Variants in PURG observed in about 807,000 individuals in gnomAD.
The protein encoded by PURG is purine rich element binding protein G.
In PURG, 3 loss-of-function variants were observed where a neutral mutation model predicts 24.3. The observed-to-expected ratio is 0.12, with a 90% confidence interval of 0.06 to 0.32. The LOEUF is 0.32. PURG is among the 10% of genes least tolerant of loss of function. The probability of loss-of-function intolerance (pLI) is 1.00; values close to 1 mark genes in which losing one functional copy is unlikely to be tolerated. For missense variants in PURG, 371 were observed against 439.1 expected (o/e 0.84, Z 1.39); for synonymous variants, 180 against 173.1 (o/e 1.04, Z -0.31).
At chr8:31,024,091 A>C (rs1053100069) in intron 1 of PURG, among the ~76,000 whole-genome samples, 1 of 152,226 alleles carries the variant, frequency 6.6e-6, no homozygotes, top group Non-Finnish European at 1.5e-5. Context: ...TAGGATAGTT[A>C]CGTAGTTAGT....
intron 1 of PURG, among the ~76,000 whole-genome samples, chr8:31,009,226 A>G (rs781387054): frequency 1.3e-5 from 2 of 152,150 alleles, no homozygotes; most frequent in Non-Finnish European, 2.9e-5. Context: ...GGAGTTCAAG[A>G]CCAGTCTGGC....
In PURG at chr8:31,032,176, T is replaced by C. The variant is rs1811227334; in HGVS notation, c.607A>G (p.Met203Val). ...TAACCTATCATGCCAGTCCCCCGCATCATGGTTTGTCTAATCCGTAGGAAG... is the reference window on the plus strand; with the variant it reads ...TAACCTATCATGCCAGTCCCCCGCACCATGGTTTGTCTAATCCGTAGGAAG... ...GRFLRIRQTM[M>V]RGTGMIGYFG... is the part of the protein sequence containing the mutation. The change falls in exon 2 of 2, where the codon ATG becomes GTG. Residue 203 changes from methionine (M) to valine (V), a missense_variant. Coordinates refer to ENST00000523392, the MANE Select transcript of PURG (RefSeq NM_001323311.2). The surrounding 1 kb of genome is among the most constrained non-coding windows in gnomAD (Gnocchi z 5.9). 1.2e-6 allele frequency: 2 copies of C among 1,614,176 alleles called. No homozygotes were observed. Among genetic ancestry groups the C allele is most frequent in the Non-Finnish European group, 8.5e-7 (1 of 1,180,008 alleles).
chr8:31,000,212 T>C (rs1054957696), intron 1 of PURG, among the ~76,000 whole-genome samples: 1 of 151,990 alleles, frequency 6.6e-6, no homozygotes, highest in Non-Finnish European at 1.5e-5. Flanking sequence ...AAACACTAAA[T>C]GGAAATGTTC....
intron 1 of PURG, among the ~76,000 whole-genome samples, chr8:31,022,721 C>T (rs1180094609): frequency 6.6e-6 from 1 of 152,110 alleles, no homozygotes; most frequent in Non-Finnish European, 1.5e-5. Context: ...ACATGAGATA[C>T]CCTTTTTGGA....
rs1296054939 is a variant in PURG, at chr8:31,016,486, AT to A, written c.864+15432del. On this transcript the variant is annotated intron_variant, in intron 1 of 1. Transcript: ENST00000339382. ...TATTAATATTGTAACCAAAAAAATC[AT>A]CATTCCATGGTGTCATGACTGACAG... Among the ~76,000 whole-genome samples the A allele has an allele frequency of 2.0e-5, 3 of 150,194 alleles. No homozygotes were observed. The Admixed American group carries it at 2.0e-4, about 10-fold the overall frequency.
chr8:31,004,940 C>T (rs886728587), intron 1 of PURG, among the ~76,000 whole-genome samples: 3 of 152,102 alleles, frequency 2.0e-5, no homozygotes, highest in African/African-American at 7.2e-5. Flanking sequence ...ATTTTCTCCC[C>T]CTGCATTCTT....
chr8:31,031,745 G>A lies in PURG; in HGVS notation c.1038C>T (p.Leu346=). Residue 346 remains leucine (L), a synonymous_variant, in exon 2 of 2, where the codon CTC becomes CTT. Coordinates refer to ENST00000523392, the MANE Select transcript of PURG (RefSeq NM_001323311.2). The part of the protein sequence containing the change: ...RKASGEEQEC[L]D Reference sequence around the variant, plus strand: ...GATGGAGTTCAATTTCACTCTAGTCGAGGCATTCTTGTTCTTCACCACTGG... The same window carrying A: ...GATGGAGTTCAATTTCACTCTAGTCAAGGCATTCTTGTTCTTCACCACTGG... 1.3e-6 allele frequency: 2 copies of A among 1,546,836 alleles called. No homozygotes were observed. Among genetic ancestry groups the A allele is most frequent in the Admixed American group, 2.0e-5 (1 of 50,322 alleles).
chr8:31,027,044 G>C (rs1247257509), downstream of PURG, among the ~76,000 whole-genome samples: 1 of 151,662 alleles, frequency 6.6e-6, no homozygotes, highest in African/African-American at 2.4e-5. Flanking sequence ...CATTGCTACA[G>C]TATGGTGGAC....
rs55751618 is a variant in PURG, at chr8:31,005,438, CA to C, written c.865-8742del. ...ACAGAGTGAGATCCTGTCACCAAAA[CA>C]AAAAAAAAAAGAAAAGAAAAGAAAA... On this transcript the variant is annotated intron_variant, in intron 1 of 1. Coordinates refer to the PURG transcript ENST00000339382. Among the ~76,000 whole-genome samples the C allele has an allele frequency of 7.9e-3, 1,066 of 135,132 alleles. 8 individuals carry two copies. Among genetic ancestry groups the C allele is most frequent in the African/African-American group, 0.03 (994 of 33,312 alleles). The allele number at this position is 135,132 out of a possible 152,430, so 88.7% of individuals were successfully genotyped here.
chr8:31,023,956 A>G (rs1191209628), intron 1 of PURG, among the ~76,000 whole-genome samples: 1 of 152,246 alleles, frequency 6.6e-6, no homozygotes, highest in Non-Finnish European at 1.5e-5. Context: ...CATGCAGAAT[A>G]TAAAAAATGA....
At chr8:31,018,866 T>C (rs1174826884) in intron 1 of PURG, among the ~76,000 whole-genome samples, 5 of 151,804 alleles carry the variant, frequency 3.3e-5, no homozygotes, top group Admixed American at 2.6e-4. Context: ...GATTTAGACA[T>C]AAAATATGGT....
chr8:30,999,984 A>G (rs1810506619), intron 1 of PURG, among the ~76,000 whole-genome samples: 1 of 152,070 alleles, frequency 6.6e-6, no homozygotes, highest in African/African-American at 2.4e-5. Context: ...AAAATAAAAA[A>G]AAACCACACT....
intron 1 of PURG, among the ~76,000 whole-genome samples, chr8:31,009,424 TCAAAACAAAA>T (rs369300801): frequency 2.2e-4 from 34 of 152,162 alleles, no homozygotes; most frequent in African/African-American, 3.6e-4. Flanking sequence ...AGACTCTGTC[TCAAAACAAAA>T]CAAAACAAAA....
At chr8:31,001,933 C>A (rs964534492) in intron 1 of PURG, among the ~76,000 whole-genome samples, 1 of 152,198 alleles carries the variant, frequency 6.6e-6, no homozygotes, top group African/African-American at 2.4e-5. Flanking sequence ...ACACAATTGA[C>A]TATTACTACA....
chr8:31,025,797 T>A lies in PURG; in HGVS notation c.864+6122A>T, dbSNP rs1333848581. Among the ~76,000 whole-genome samples, 5 of 152,078 alleles carry A rather than the reference T, an allele frequency of 3.3e-5. No individual in the cohort carries two copies. The East Asian group carries it at 9.6e-4, about 29-fold the overall frequency. On this transcript the variant is annotated intron_variant, in intron 1 of 1. Coordinates refer to the PURG transcript ENST00000339382. ...TTTATGTTTATAGGACTAGTAATAA[T>A]GCTAACTTCATTAAAAAATTATATT...
chr8:31,005,168 T>C (rs925068981), intron 1 of PURG, among the ~76,000 whole-genome samples: 14 of 152,144 alleles, frequency 9.2e-5, no homozygotes, highest in African/African-American at 3.4e-4. Flanking sequence ...CATAGTGGCT[T>C]ATGCCCATAA....
intron 1 of PURG, among the ~76,000 whole-genome samples, chr8:31,004,987 T>G (rs1385037599): frequency 6.6e-6 from 1 of 152,214 alleles, no homozygotes; most frequent in African/African-American, 2.4e-5. Context: ...ATAGTAGTTA[T>G]GTGTCAATCA....
chr8:31,032,191 T>A lies in PURG; in HGVS notation c.592A>T (p.Ile198Phe). The A allele has an allele frequency of 6.2e-7, 1 of 1,614,170 alleles. No homozygotes were observed. The highest frequency in any genetic ancestry group is 8.5e-7 in the Non-Finnish European group (1 of 1,180,010). The change falls in exon 2 of 2, where the codon ATT (isoleucine) becomes TTT (phenylalanine). Residue 198 changes from isoleucine to phenylalanine, a missense_variant. Physicochemically the swap from Ile to Phe is conservative, Grantham distance 21. Around this residue, in one of 5 missense-constraint regions of PURG, gnomAD observed 9 missense variants for 27.0 expected, o/e 0.33. Transcript: ENST00000523392. The surrounding 1 kb of genome is among the most constrained non-coding windows in gnomAD (Gnocchi z 5.9). ...GTCCCCCGCATCATGGTTTGTCTAA[T>A]CCGTAGGAAGCGACCCCGCTGATTT... Reference protein sequence around the residue: ...KENQRGRFLRIRQTMMRGTGM... With the variant: ...KENQRGRFLRFRQTMMRGTGM...
downstream of PURG, among the ~76,000 whole-genome samples, chr8:31,030,232 C>A (rs1223513565): frequency 6.6e-6 from 1 of 151,944 alleles, no homozygotes; most frequent in Non-Finnish European, 1.5e-5. Flanking sequence ...GATTTGAATC[C>A]ATGCAGCCAG....
Sources: allele counts gnomAD v4.1 joint callset (sites outside exome capture counted in the v4.1 genomes callset), GRCh38; gene constraint gnomAD v4.1.1; regional missense constraint gnomAD v4.1.1; non-coding constraint Gnocchi (gnomAD v3.1); transcripts MANE v1.5; gene names NCBI Gene and HGNC (gene_info 2026-07-23, HGNC 2026-07-21).